The following MINK1 variants were observed in gnomAD, a reference collection of about 807,000 sequenced individuals.
MINK1 encodes misshapen-like kinase 1.
In MINK1, 46 loss-of-function variants were observed where a neutral mutation model predicts 178.4. The ratio of observed to expected loss-of-function variants is 0.26; its 90% CI spans 0.20 to 0.33. The LOEUF (loss-of-function observed/expected upper bound fraction) is 0.33, where lower values mean the gene tolerates loss of function less well. MINK1 is among the 10% of genes least tolerant of loss of function. The probability of loss-of-function intolerance (pLI) is 1.00; values close to 1 mark genes in which losing one functional copy is unlikely to be tolerated. For synonymous variants in MINK1, 797 were observed against 709.7 expected (o/e 1.12, Z -1.96); for missense variants, 1,366 against 1,814.9 (o/e 0.75, Z 4.49).
At chr17:4,843,477 CA>C (rs903587432) in intron 1 of MINK1, among the ~76,000 whole-genome samples, 7 of 130,604 alleles carry the variant, frequency 5.4e-5, no homozygotes, top group Admixed American at 7.8e-5. Flanking sequence ...GACTCCGTCA[CA>C]AAAAAAAAAG....
At chr17:4,860,086 C>T (rs550267421) in intron 1 of MINK1, among the ~76,000 whole-genome samples, 1 of 152,202 alleles carries the variant, frequency 6.6e-6, no homozygotes, top group Admixed American at 6.5e-5. Flanking sequence ...AACTACTTGC[C>T]GCATGCGGAG....
Position 4,896,497 on chromosome 17 carries a change from G to A in MINK1, c.3684G>A (p.Leu1228=). Residue 1228 remains leucine (L), a synonymous_variant, in exon 30 of 32, where the codon CTG becomes CTA. Coordinates refer to ENST00000355280, the MANE Select transcript of MINK1 (RefSeq NM_153827.5). The surrounding 1 kb of genome is among the most constrained non-coding windows in gnomAD (Gnocchi z 4.6). ...ACACCGACGGCATGGAGATGCTGCT[G>A]TGCTACGAGGACGAGGGTGTCTACG... ...LPNTDGMEML[L]CYEDEGVYVN... 1 of 1,613,968 alleles carries A rather than the reference G, an allele frequency of 6.2e-7. No individual in the cohort carries two copies. The highest frequency in any genetic ancestry group is 1.1e-5 in the South Asian group (1 of 91,084).
intron 1 of MINK1, among the ~76,000 whole-genome samples, chr17:4,874,350 T>G (rs938831291): frequency 1.3e-5 from 2 of 152,194 alleles, no homozygotes; most frequent in Non-Finnish European, 2.9e-5. Flanking sequence ...TCAGAAGATA[T>G]TTAGTGGTTG....
rs1298849089 is a variant in MINK1, at chr17:4,833,488, C to G, written c.-96C>G. On this transcript the variant is annotated 5_prime_UTR_variant, in exon 1 of 32. Transcript: ENST00000355280. This position sits in a 1 kb window ranked among gnomAD's most constrained non-coding sequence, Gnocchi z 4.8. ...GGGGGAGGCGCGGTGGAGTCCGCCCCCGGGGTTCTCCGATGGGGGAGAAGC... is the reference window on the plus strand; with the variant it reads ...GGGGGAGGCGCGGTGGAGTCCGCCCGCGGGGTTCTCCGATGGGGGAGAAGC... 1 of 1,093,660 alleles carries G rather than the reference C, an allele frequency of 9.1e-7. No individual in the cohort carries two copies. The highest frequency in any genetic ancestry group is 1.6e-5 in the African/African-American group (1 of 60,802). The allele number at this position is 1,093,660 out of a possible 1,614,324, so 67.7% of individuals were successfully genotyped here.
chr17:4,895,194 A>C lies in MINK1; in HGVS notation c.3037A>C (p.Lys1013Gln). 6.2e-7 allele frequency: 1 copy of C among 1,614,050 alleles called. No homozygotes were observed. Among genetic ancestry groups the C allele is most frequent in the East Asian group, 2.2e-5 (1 of 44,856 alleles). ...CCACAGTGAGACCCCTGAGATCCGG[A>C]AGTACAAGAAGCGATTCAACTCCGA... ...RAHSETPEIR[K>Q]YKKRFNSEIL... The change falls in exon 25 of 32, where the codon AAG becomes CAG. Residue 1013 changes from lysine to glutamine, a missense_variant. Physicochemically the swap from Lys to Gln is moderately conservative, Grantham distance 53 (BLOSUM62 1). Around this residue, in one of 14 missense-constraint regions of MINK1, gnomAD observed 42 missense variants for 64.0 expected, o/e 0.66. Coordinates refer to ENST00000355280, the MANE Select transcript of MINK1 (RefSeq NM_153827.5). This position sits in a 1 kb window ranked among gnomAD's most constrained non-coding sequence, Gnocchi z 4.3.
In MINK1 at chr17:4,897,342, A is replaced by C; in HGVS notation, c.*55A>C. The C allele has an allele frequency of 1.9e-6, 3 of 1,547,608 alleles. No individual in the cohort carries two copies. The highest frequency in any genetic ancestry group is 2.7e-6 in the Non-Finnish European group (3 of 1,123,888). On this transcript the variant is annotated 3_prime_UTR_variant, in exon 32 of 32. Coordinates refer to ENST00000355280, the MANE Select transcript of MINK1 (RefSeq NM_153827.5). ...TGGACCCAGCTCTCCCCCTGCAGCC[A>C]GGCTTCCCGGGCCGCCCCTCTTTCC...
intron 1 of MINK1, among the ~76,000 whole-genome samples, chr17:4,853,819 C>A (rs751033315): frequency 2.0e-5 from 3 of 152,038 alleles, no homozygotes; most frequent in African/African-American, 7.3e-5. Flanking sequence ...CCTCGCTTAC[C>A]TACAGTGAGA....
intron 1 of MINK1, chr17:4,857,010 A>T (rs1597423978): frequency 5.5e-6 from 1 of 182,420 alleles, no homozygotes; most frequent in Non-Finnish European, 1.2e-5. Context: ...GCCTACAAAT[A>T]GTCGGGGCTG....
chr17:4,847,930 C>T (rs1159367922), intron 1 of MINK1, among the ~76,000 whole-genome samples: 1 of 152,032 alleles, frequency 6.6e-6, no homozygotes, highest in Admixed American at 6.6e-5. Flanking sequence ...GCTTGTACTC[C>T]CAGCACTTTG....
Position 4,893,429 on chromosome 17 carries a change from T to C in MINK1, c.2401-5T>C, listed in dbSNP as rs373451390. ...CCCTGCCCCTCACGTGGCTCCTCCC[T>C]GCAGGACTTTGTGTTGCTGAAAGAG... is the stretch of plus-strand genomic sequence containing the variant. On this transcript the variant is annotated splice_region_variant and splice_polypyrimidine_tract_variant and intron_variant, in intron 20 of 31. Transcript: ENST00000355280. 3.3e-5 allele frequency: 53 copies of C among 1,597,474 alleles called. No individual in the cohort carries two copies. In the Middle Eastern group the frequency reaches 5.0e-4, roughly 15 times the overall value.
chr17:4,838,901 TG>T (rs1209205356), intron 1 of MINK1, among the ~76,000 whole-genome samples: 1 of 152,028 alleles, frequency 6.6e-6, no homozygotes, highest in East Asian at 1.9e-4. Context: ...ACCAGATCTC[TG>T]GGGACATCCA....
rs775340741 is a variant in MINK1, at chr17:4,887,172, G to C, written c.1012G>C (p.Glu338Gln). The C allele has an allele frequency of 6.2e-7, 1 of 1,603,430 alleles. No homozygotes were observed. Among genetic ancestry groups the C allele is most frequent in the Admixed American group, 1.7e-5 (1 of 58,298 alleles). ...AGATGACAGCCATGGAGAGGAAGGAGAGCCAAGGTAGGCCTGGCAGGTGGA... is the reference window on the plus strand; with the variant it reads ...AGATGACAGCCATGGAGAGGAAGGACAGCCAAGGTAGGCCTGGCAGGTGGA... Reference protein sequence around the residue: ...EEDDSHGEEGEPSSIMNVPGE... With the variant: ...EEDDSHGEEGQPSSIMNVPGE... Residue 338 changes from glutamate to glutamine, a missense_variant, in exon 11 of 32, where the codon GAG becomes CAG. This residue lies in a region of MINK1 where 56 missense variants were observed against 64.0 expected (regional missense o/e 0.87). Coordinates refer to ENST00000355280, the MANE Select transcript of MINK1 (RefSeq NM_153827.5). The surrounding 1 kb of genome is among the most constrained non-coding windows in gnomAD (Gnocchi z 7.6).
Position 4,855,283 on chromosome 17 carries a change from A to T in MINK1, c.57+21643A>T, listed in dbSNP as rs1912851790. 3.5e-5 allele frequency among the ~76,000 whole-genome samples: 5 copies of T among 143,484 alleles called. 1 individual carries two copies. In the South Asian group the frequency reaches 9.0e-4, roughly 26 times the overall value. The allele number at this position is 143,484 out of a possible 152,430, so 94.1% of individuals were successfully genotyped here. A position where few individuals can be genotyped will look rare whatever the true frequency, so the allele number is the denominator to read the frequency against. On this transcript the variant is annotated intron_variant, in intron 1 of 31. Transcript: ENST00000355280. ...AGGTGGATCACGAGGTCAGGAGATC[A>T]AGACCATCCTGGCTAACAAGGTGAA... is the stretch of plus-strand genomic sequence containing the variant.
At chr17:4,884,559 A>T in intron 5 of MINK1, 86 bp downstream of exon 5, 1 of 1,013,208 alleles carries the variant, frequency 9.9e-7, no homozygotes, top group Non-Finnish European at 1.5e-6. Context: ...CTGCGCTGGG[A>T]GGAGACATCA....
chr17:4,856,406 C>G (rs1300524017), intron 1 of MINK1, among the ~76,000 whole-genome samples: 1 of 152,062 alleles, frequency 6.6e-6, no homozygotes, highest in Non-Finnish European at 1.5e-5. Flanking sequence ...ACACCCACTC[C>G]CGTTTTCTCT....
Position 4,897,700 on chromosome 17 carries a change from TG to T in MINK1, c.*421del, listed in dbSNP as rs905640348. The T allele has an allele frequency of 2.3e-4, 36 of 155,288 alleles. No individual in the cohort carries two copies. The highest frequency in any genetic ancestry group is 5.2e-4 in the Admixed American group (8 of 15,304). The allele number at this position is 155,288 out of a possible 1,614,324, so 9.6% of individuals were successfully genotyped here. A position where few individuals can be genotyped will look rare whatever the true frequency, so the allele number is the denominator to read the frequency against. Reference sequence around the variant, plus strand: ...CTCCCCCCTTGAATGTACCAGACCCTGGGGGGGGTCACTGGGCCCTAGATTT... The same window carrying T: ...CTCCCCCCTTGAATGTACCAGACCCTGGGGGGGTCACTGGGCCCTAGATTT... On this transcript the variant is annotated 3_prime_UTR_variant, in exon 32 of 32. Coordinates refer to ENST00000355280, the MANE Select transcript of MINK1 (RefSeq NM_153827.5).
chr17:4,872,033 A>G (rs768510393), intron 1 of MINK1, among the ~76,000 whole-genome samples: 37 of 152,158 alleles, frequency 2.4e-4, no homozygotes, highest in Non-Finnish European at 5.3e-4. Context: ...GATGGCTCCA[A>G]TCAAAAGGAT....
chr17:4,863,710 T>G (rs1914524326), intron 1 of MINK1, among the ~76,000 whole-genome samples: 1 of 152,182 alleles, frequency 6.6e-6, no homozygotes, highest in African/African-American at 2.4e-5. Context: ...GTTTGTCATG[T>G]GAGATTATAC....
intron 1 of MINK1, among the ~76,000 whole-genome samples, chr17:4,857,759 C>T (rs1287849553): frequency 6.6e-6 from 1 of 152,048 alleles, no homozygotes; most frequent in Non-Finnish European, 1.5e-5. Flanking sequence ...TGAGCCACCG[C>T]GCCCAGCCAA....
Sources: gnomAD v4.1 joint callset for allele counts (sites outside exome capture counted in the v4.1 genomes callset) on GRCh38, gnomAD v4.1.1 for gene constraint, gnomAD v4.1.1 regional missense constraint, Gnocchi (gnomAD v3.1) non-coding constraint, MANE v1.5 for transcripts, NCBI Gene and HGNC (gene_info 2026-07-23, HGNC 2026-07-21) for gene names.